SLC17A6: variants seen among roughly 807,000 people sequenced by gnomAD.
SLC17A6 encodes solute carrier family 17 member 6, also known as vesicular glutamate transporter 2.
Under a neutral mutation model 67.1 loss-of-function variants are expected in SLC17A6, and 35 were observed. That is an observed-to-expected ratio of 0.52 (90% CI 0.40 to 0.69). SLC17A6 has a LOEUF of 0.69. SLC17A6 is among the 30% of genes least tolerant of loss of function. The pLI, the probability that SLC17A6 is intolerant of heterozygous loss-of-function variation, is 0.00. For synonymous variants in SLC17A6, 285 were observed against 252.3 expected (o/e 1.13, Z -1.23); for missense variants, 588 against 723.9 (o/e 0.81, Z 2.15).
intron 3 of SLC17A6, among the ~76,000 whole-genome samples, chr11:22,350,287 C>T (rs1025050747): frequency 1.3e-5 from 2 of 152,008 alleles, no homozygotes; most frequent in African/African-American, 4.8e-5. Flanking sequence ...GAGCTTCCTG[C>T]CATTTAAGAA....
intron 3 of SLC17A6, among the ~76,000 whole-genome samples, chr11:22,355,214 C>T (rs962457957): frequency 6.6e-6 from 1 of 152,172 alleles, no homozygotes; most frequent in Admixed American, 6.6e-5. Flanking sequence ...ACTGTGAACC[C>T]AGGCAGTCTG....
At chr11:22,342,267 G>A (rs1448623647) in intron 2 of SLC17A6, among the ~76,000 whole-genome samples, 1 of 152,164 alleles carries the variant, frequency 6.6e-6, no homozygotes, top group Non-Finnish European at 1.5e-5. Context: ...TCCCCCAGGA[G>A]GAGCCACAAC....
At chr11:22,360,814 A>G in intron 4 of SLC17A6, 83 bp from the exon 5 acceptor site, 1 of 1,130,394 alleles carries the variant, frequency 8.8e-7, no homozygotes. Flanking sequence ...GGAAGTCTGA[A>G]GGGCAGGGAG....
chr11:22,368,528 G>C (rs576037908), intron 7 of SLC17A6, among the ~76,000 whole-genome samples: 23 of 152,010 alleles, frequency 1.5e-4, no homozygotes, highest in African/African-American at 5.5e-4. Context: ...TAAGGTATAA[G>C]GTGAGATATT....
At chr11:22,341,424 C>T (rs1272529014) in intron 1 of SLC17A6, 104 bp from the exon 2 acceptor site, 6 of 1,489,488 alleles carry the variant, frequency 4.0e-6, no homozygotes, top group Non-Finnish European at 5.4e-6. Context: ...GGGAGGTCGA[C>T]GGCCCTCCTC....
At chr11:22,344,054 C>G (rs1424485479) in intron 3 of SLC17A6, among the ~76,000 whole-genome samples, 2 of 152,066 alleles carry the variant, frequency 1.3e-5, no homozygotes, top group Non-Finnish European at 2.9e-5. Context: ...ACCTAAGGAC[C>G]GATGGGGTGG....
chr11:22,372,804 A>G (rs1451994460), intron 8 of SLC17A6, among the ~76,000 whole-genome samples: 3 of 152,158 alleles, frequency 2.0e-5, no homozygotes, highest in Non-Finnish European at 2.9e-5. Flanking sequence ...TGTGATTGAC[A>G]TGAATGATCT....
chr11:22,356,254 A>C (rs560862737), intron 3 of SLC17A6, among the ~76,000 whole-genome samples: 1 of 152,302 alleles, frequency 6.6e-6, no homozygotes, highest in Non-Finnish European at 1.5e-5. Flanking sequence ...CTCTCCTGTG[A>C]ATATAGTCTC....
intron 1 of SLC17A6, among the ~76,000 whole-genome samples, chr11:22,338,860 T>C (rs888186900): frequency 6.6e-6 from 1 of 150,440 alleles, no homozygotes; most frequent in Non-Finnish European, 1.5e-5. Flanking sequence ...TGTTTGATTT[T>C]TGCTTTGGTG....
chr11:22,342,882 A>G (rs961526586), intron 2 of SLC17A6: 2 of 458,072 alleles, frequency 4.4e-6, no homozygotes, highest in African/African-American at 4.0e-5. Flanking sequence ...GGATTCGTTA[A>G]GTGGACCCCT....
chr11:22,363,032 A>G (rs2133871184), intron 6 of SLC17A6, among the ~76,000 whole-genome samples: 1 of 152,324 alleles, frequency 6.6e-6, no homozygotes, highest in Non-Finnish European at 1.5e-5. Context: ...TCTTGTTTTA[A>G]AAAGCAACCA....
intron 3 of SLC17A6, 82 bp from the exon 4 acceptor site, chr11:22,359,331 T>A (rs1463256735): frequency 1.3e-5 from 10 of 755,788 alleles, no homozygotes; most frequent in Non-Finnish European, 1.9e-5. Flanking sequence ...ACTTTAAATG[T>A]TTCACTTCTC....
At chr11:22,358,335 T>C (rs1052912363) in intron 3 of SLC17A6, among the ~76,000 whole-genome samples, 2 of 152,190 alleles carry the variant, frequency 1.3e-5, no homozygotes, top group Non-Finnish European at 1.5e-5. Flanking sequence ...TTTGTTTGTT[T>C]GTTTGTTTTT....
intron 3 of SLC17A6, among the ~76,000 whole-genome samples, chr11:22,345,165 C>G (rs998413899): frequency 3.3e-5 from 5 of 151,056 alleles, no homozygotes; most frequent in Non-Finnish European, 5.9e-5. Context: ...AGCTTTTCCT[C>G]TTTGTAACAC....
At chr11:22,341,287 T>G (rs1047233597) in intron 1 of SLC17A6, among the ~76,000 whole-genome samples, 5 of 152,136 alleles carry the variant, frequency 3.3e-5, no homozygotes, top group African/African-American at 1.2e-4. Flanking sequence ...ACTCGCTACC[T>G]TAGGCCTAAA....
intron 4 of SLC17A6, among the ~76,000 whole-genome samples, chr11:22,360,078 A>G (rs1023584156): frequency 2.0e-5 from 3 of 151,342 alleles, no homozygotes; most frequent in Non-Finnish European, 4.4e-5. Context: ...AGTATAATGG[A>G]AATAGATAAA....
chr11:22,344,920 A>G (rs1448109697), intron 3 of SLC17A6, among the ~76,000 whole-genome samples: 1 of 152,196 alleles, frequency 6.6e-6, no homozygotes, highest in Non-Finnish European at 1.5e-5. Flanking sequence ...CTAAATTAAA[A>G]CAAAGTTTTC....
At chr11:22,344,986 A>AT (rs1400410815) in intron 3 of SLC17A6, among the ~76,000 whole-genome samples, 5 of 152,184 alleles carry the variant, frequency 3.3e-5, no homozygotes, top group Non-Finnish European at 7.3e-5. Flanking sequence ...GAGAAAAAAA[A>AT]ATCCAACAAT....
chr11:22,374,437 C>G (rs1447161054), intron 8 of SLC17A6, among the ~76,000 whole-genome samples: 2 of 152,004 alleles, frequency 1.3e-5, no homozygotes, highest in South Asian at 4.1e-4. Flanking sequence ...CACTTTTCCT[C>G]TCTTTCACTA....
Sources: allele counts gnomAD v4.1 joint callset (sites outside exome capture counted in the v4.1 genomes callset), GRCh38; gene constraint gnomAD v4.1.1; transcripts MANE v1.5; gene names NCBI Gene and HGNC (gene_info 2026-07-23, HGNC 2026-07-21).